Variants in UBAP2 observed in about 807,000 individuals in gnomAD.
The protein encoded by UBAP2 is ubiquitin associated protein 2.
A neutral mutation model predicts 139.6 loss-of-function variants in UBAP2; 75 were observed. That is an observed-to-expected ratio of 0.54 (90% confidence interval 0.45 to 0.65). UBAP2 has a LOEUF of 0.65. UBAP2 is among the 30% of genes least tolerant of loss of function. The probability of loss-of-function intolerance (pLI) is 0.00; values close to 1 mark genes in which losing one functional copy is unlikely to be tolerated. For missense variants in UBAP2, 1,368 were observed against 1,369.6 expected, an observed-to-expected ratio of 1.00 and a Z score of 0.02; for synonymous variants, 526 against 526.2, an observed-to-expected ratio of 1.00 and a Z score of 0.01.
At chr9:34,007,421 AG>A (rs576756302) in intron 2 of UBAP2, among the ~76,000 whole-genome samples, 3 of 151,334 alleles carry the variant, frequency 2.0e-5, no homozygotes, top group Non-Finnish European at 4.4e-5. Context: ...TCTTGAGCCT[AG>A]GGGGGTCAAG....
intron 2 of UBAP2, among the ~76,000 whole-genome samples, chr9:34,013,395 C>T (rs1823943324): frequency 6.6e-6 from 1 of 151,130 alleles, no homozygotes; most frequent in African/African-American, 2.4e-5. Flanking sequence ...ACCAAACATA[C>T]AAAAAATTAG....
At chr9:33,946,602 C>T (rs1825671385) in intron 13 of UBAP2, among the ~76,000 whole-genome samples, 1 of 152,140 alleles carries the variant, frequency 6.6e-6, no homozygotes, top group South Asian at 2.1e-4. Context: ...ATCACGTTGC[C>T]CAGGCTGGTC....
At chr9:33,999,104 CT>C (rs1300494518) in intron 2 of UBAP2, among the ~76,000 whole-genome samples, 1 of 152,148 alleles carries the variant, frequency 6.6e-6, no homozygotes, top group African/African-American at 2.4e-5. Flanking sequence ...TATTGTTCAT[CT>C]TAACTGGCCA....
In UBAP2 at chr9:33,922,965, C is replaced by A; in HGVS notation, c.3072+1G>T. ...ACACCCAACCCACCTTTGTCCCTCA[C>A]CTGTGTCTTATTGTAGACAGAACCA... On this transcript the variant is annotated splice_donor_variant, in intron 27 of 28. Transcript: ENST00000379238. LOFTEE classifies it high-confidence loss of function. The A allele has an allele frequency of 6.2e-7, 1 of 1,614,196 alleles. No homozygotes were observed. Among genetic ancestry groups the A allele is most frequent in the African/African-American group, 1.3e-5 (1 of 75,052 alleles).
At chr9:33,953,208 G>C in intron 12 of UBAP2, 77 bp downstream of exon 12, 2 of 1,305,414 alleles carry the variant, frequency 1.5e-6, no homozygotes, top group South Asian at 3.0e-5. Context: ...TAATTATAAA[G>C]CATGTATCAT....
chr9:33,990,582 G>A (rs1821615758), intron 4 of UBAP2, among the ~76,000 whole-genome samples: 1 of 151,774 alleles, frequency 6.6e-6, no homozygotes, highest in African/African-American at 2.4e-5. Flanking sequence ...CAGTTCTGGT[G>A]AGCATGCATC....
intron 2 of UBAP2, among the ~76,000 whole-genome samples, chr9:34,007,119 G>A (rs1272261842): frequency 6.6e-6 from 1 of 152,116 alleles, no homozygotes; most frequent in Non-Finnish European, 1.5e-5. Flanking sequence ...CTATAAATAA[G>A]AATATAATGT....
At chr9:34,015,929 A>T (rs188489714) in intron 2 of UBAP2, among the ~76,000 whole-genome samples, 1 of 152,224 alleles carries the variant, frequency 6.6e-6, no homozygotes, top group Admixed American at 6.6e-5. Flanking sequence ...TCAGCCTCCC[A>T]AAGTGTTGAG....
Position 33,933,516 on chromosome 9 carries a change from A to C in UBAP2, c.2082T>G (p.Thr694=). 2 of 1,613,918 alleles carry C rather than the reference A, an allele frequency of 1.2e-6. No individual in the cohort carries two copies. Among genetic ancestry groups the C allele is most frequent in the Non-Finnish European group, 1.7e-6 (2 of 1,180,004 alleles). ...PSTSQHTGDL[T]SSPLSQLSSS... ...TGCTAAGCTGAGAGAGAGGGCTGCTAGTCAGGTCGCCAGTGTGCTGGGATG... is the reference window on the plus strand; with the variant it reads ...TGCTAAGCTGAGAGAGAGGGCTGCTCGTCAGGTCGCCAGTGTGCTGGGATG... Residue 694 remains threonine (T), a synonymous_variant, in exon 18 of 29, where the codon ACT becomes ACG. Coordinates refer to ENST00000379238, the MANE Select transcript of UBAP2 (RefSeq NM_001370062.2).
chr9:33,965,394 A>G (rs1827369943), intron 8 of UBAP2, among the ~76,000 whole-genome samples: 2 of 152,220 alleles, frequency 1.3e-5, no homozygotes, highest in Admixed American at 6.5e-5. Context: ...CTCCAAGACT[A>G]CGTCTCATTC....
chr9:33,973,413 C>CAG (rs765994708), intron 6 of UBAP2, among the ~76,000 whole-genome samples, 176 bp from the exon 7 acceptor site: 1 of 152,212 alleles, frequency 6.6e-6, no homozygotes, highest in Non-Finnish European at 1.5e-5. Context: ...TACCTATACC[C>CAG]AGTTAGTGAC....
At chr9:34,032,600 T>A (rs929397757) in intron 1 of UBAP2, among the ~76,000 whole-genome samples, 2 of 152,196 alleles carry the variant, frequency 1.3e-5, no homozygotes, top group Admixed American at 6.6e-5. Flanking sequence ...ACAGTCATGA[T>A]GACCACAACC....
intron 12 of UBAP2, chr9:33,952,689 A>G (rs1826199547): frequency 6.5e-6 from 1 of 154,526 alleles, no homozygotes; most frequent in African/African-American, 2.4e-5. Flanking sequence ...AACATCATTC[A>G]GAAGAAAGGG....
intron 10 of UBAP2, among the ~76,000 whole-genome samples, chr9:33,958,877 A>C (rs1448139463): frequency 6.6e-6 from 1 of 151,720 alleles, no homozygotes; most frequent in Non-Finnish European, 1.5e-5. Context: ...GGCCGGGCGC[A>C]GTGGCTCATG....
chr9:33,981,552 C>T (rs562285976), intron 6 of UBAP2, among the ~76,000 whole-genome samples: 7 of 149,426 alleles, frequency 4.7e-5, no homozygotes, highest in African/African-American at 1.7e-4. Flanking sequence ...AAAAAGCCTG[C>T]TACATTGTCC....
intron 4 of UBAP2, among the ~76,000 whole-genome samples, chr9:33,992,508 T>C (rs1012206822): frequency 4.0e-5 from 6 of 151,624 alleles, no homozygotes; most frequent in African/African-American, 1.2e-4. Context: ...TGCAGTGAGC[T>C]GAGATCATGC....
chr9:33,972,549 A>G (rs116177892), intron 7 of UBAP2, among the ~76,000 whole-genome samples: 143 of 152,310 alleles, frequency 9.4e-4, no homozygotes, highest in African/African-American at 3.3e-3. Context: ...CTTGGAGCCA[A>G]TTCCTTTCCT....
At chr9:34,047,426 G>A (rs1412076278) in intron 1 of UBAP2, among the ~76,000 whole-genome samples, 1 of 152,172 alleles carries the variant, frequency 6.6e-6, no homozygotes, top group Non-Finnish European at 1.5e-5. Context: ...TCCCTTTCCT[G>A]AGGTAAAAGG....
chr9:34,024,854 T>G (rs1457723962), intron 1 of UBAP2, among the ~76,000 whole-genome samples: 1 of 151,738 alleles, frequency 6.6e-6, no homozygotes, highest in Non-Finnish European at 1.5e-5. Context: ...TGTGGTGGCG[T>G]GAGCCTGTAA....
Sources: allele counts gnomAD v4.1 joint callset (sites outside exome capture counted in the v4.1 genomes callset), GRCh38; gene constraint gnomAD v4.1.1; transcripts MANE v1.5; gene names NCBI Gene and HGNC (gene_info 2026-07-23, HGNC 2026-07-21).